EPHB1: variants seen among roughly 807,000 people sequenced by gnomAD.
EPHB1 encodes EPH receptor B1, also known as ephrin type-B receptor 1.
A neutral mutation model predicts 94.4 loss-of-function variants in EPHB1; 30 were observed. That is an observed-to-expected ratio of 0.32 (90% CI 0.24 to 0.43). EPHB1 has a LOEUF of 0.43. Among genes scored for constraint, EPHB1 ranks in the 20% least tolerant of loss-of-function variants. EPHB1 has a pLI of 1.00. For synonymous variants in EPHB1, 522 were observed against 489.1 expected (o/e 1.07, Z -0.89); for missense variants, 1,055 against 1,308.3 (o/e 0.81, Z 2.99).
At chr3:135,133,139 G>T in intron 5 of EPHB1, 90 bp downstream of exon 5, 1 of 1,292,122 alleles carries the variant, frequency 7.7e-7, no homozygotes. Flanking sequence ...CACCCATCCT[G>T]CCCGTGTACT....
chr3:135,260,325 T>C lies in EPHB1; in HGVS notation c.*1205T>C, dbSNP rs1933588388. On this transcript the variant is annotated 3_prime_UTR_variant, in exon 16 of 16. Coordinates refer to ENST00000398015, the MANE Select transcript of EPHB1 (RefSeq NM_004441.5). The stretch of plus-strand genomic sequence containing the variant: ...GTGTCTGTGTTTCTCTTTACATTCC[T>C]TGTTGTACCTCATTGTTCAATTCAC... 1 of 232,672 alleles carries C rather than the reference T, an allele frequency of 4.3e-6. No homozygotes were observed. Among genetic ancestry groups the C allele is most frequent in the African/African-American group, 2.2e-5 (1 of 45,326 alleles). The allele number at this position is 232,672 out of a possible 1,614,324, so 14.4% of individuals were successfully genotyped here. A position where few individuals can be genotyped will look rare whatever the true frequency, so the allele number is the denominator to read the frequency against.
intron 12 of EPHB1, among the ~76,000 whole-genome samples, chr3:135,214,118 C>T (rs535777549): frequency 6.6e-6 from 1 of 152,326 alleles, no homozygotes; most frequent in Admixed American, 6.5e-5. Flanking sequence ...CTTACTTTCT[C>T]TCTTCTCATG....
chr3:134,981,550 A>G (rs1934402630), intron 3 of EPHB1, among the ~76,000 whole-genome samples: 1 of 152,224 alleles, frequency 6.6e-6, no homozygotes, highest in Non-Finnish European at 1.5e-5. Flanking sequence ...CAGTTTTACC[A>G]TATACTGGAA....
At chr3:135,059,769 T>G (rs1445074894) in intron 3 of EPHB1, among the ~76,000 whole-genome samples, 2 of 152,212 alleles carry the variant, frequency 1.3e-5, no homozygotes, top group Admixed American at 6.5e-5. Flanking sequence ...GAACAGGCCC[T>G]GAGACACCCA....
chr3:135,203,067 A>C (rs1456966860), intron 12 of EPHB1, among the ~76,000 whole-genome samples: 1 of 152,242 alleles, frequency 6.6e-6, no homozygotes, highest in Admixed American at 6.5e-5. Context: ...TGTCCTTTGC[A>C]GGGACATGCA....
chr3:135,125,404 C>T (rs1020190753), intron 4 of EPHB1, among the ~76,000 whole-genome samples: 2 of 152,038 alleles, frequency 1.3e-5, no homozygotes, highest in African/African-American at 4.8e-5. Flanking sequence ...AGGTCCTGAA[C>T]CAACATGCTG....
chr3:134,940,249 T>A (rs2039085660), intron 2 of EPHB1, among the ~76,000 whole-genome samples: 1 of 152,188 alleles, frequency 6.6e-6, no homozygotes, highest in South Asian at 2.1e-4. Context: ...ATCACGATGA[T>A]GATGATCATA....
At chr3:135,143,266 G>C (rs1940891199) in intron 5 of EPHB1, among the ~76,000 whole-genome samples, 2 of 152,160 alleles carry the variant, frequency 1.3e-5, no homozygotes, top group South Asian at 2.1e-4. Flanking sequence ...TAAAGAGTGG[G>C]CATGGCAGGA....
chr3:135,065,383 T>G (rs1391946408), intron 3 of EPHB1, among the ~76,000 whole-genome samples: 1 of 152,196 alleles, frequency 6.6e-6, no homozygotes, highest in Non-Finnish European at 1.5e-5. Context: ...ATTTGGAAGC[T>G]CCAGTGTTAG....
At position 135,192,670 on chromosome 3, in the gene EPHB1, G is replaced by A. The variant is rs781192128; in HGVS notation, c.1977G>A (p.Glu659=). The change falls in exon 11 of 16, where the codon GAG becomes GAA. Residue 659 remains glutamate, a synonymous_variant. Coordinates refer to ENST00000398015, the MANE Select transcript of EPHB1 (RefSeq NM_004441.5). ...AIKTLKAGYS[E]KQRRDFLSEA... ...AGACCCTGAAGGCAGGGTACTCGGA[G>A]AAGCAGCGTCGGGACTTTCTGAGTG... 97 of 1,614,090 alleles carry A rather than the reference G, an allele frequency of 6.0e-5. No homozygotes were observed. Among genetic ancestry groups the A allele is most frequent in the Non-Finnish European group, 7.0e-5 (83 of 1,180,042 alleles).
chr3:135,138,777 A>G (rs1268074401), intron 5 of EPHB1, among the ~76,000 whole-genome samples: 1 of 152,236 alleles, frequency 6.6e-6, no homozygotes, highest in Non-Finnish European at 1.5e-5. Flanking sequence ...TCAATTTCAT[A>G]GTTTGTTTCA....
At chr3:135,043,682 T>G (rs560908260) in intron 3 of EPHB1, among the ~76,000 whole-genome samples, 1 of 152,376 alleles carries the variant, frequency 6.6e-6, no homozygotes, top group African/African-American at 2.4e-5. Flanking sequence ...TCCGGCTCCA[T>G]CCTGATACAG....
chr3:134,939,653 G>A (rs2039077896), intron 2 of EPHB1, among the ~76,000 whole-genome samples: 5 of 152,116 alleles, frequency 3.3e-5, no homozygotes. Context: ...TTGTCCTTGG[G>A]GTCCAGGCTG....
intron 1 of EPHB1, among the ~76,000 whole-genome samples, chr3:134,894,649 G>T (rs537252229): frequency 6.6e-6 from 1 of 152,322 alleles, no homozygotes; most frequent in Admixed American, 6.5e-5. Context: ...CAGAGCAAGG[G>T]CTCTGATATA....
At chr3:135,008,128 T>C (rs1199344194) in intron 3 of EPHB1, among the ~76,000 whole-genome samples, 1 of 152,064 alleles carries the variant, frequency 6.6e-6, no homozygotes, top group South Asian at 2.1e-4. Context: ...GATGGTTAAC[T>C]AGATGGGGGC....
rs1234201974 is a variant in EPHB1 at position 134,997,738 on chromosome 3, C to T, written c.805+45686C>T. Reference sequence around the variant, plus strand: ...CTCTTGTGACTTTCTCTCCCTCTGACTTAGAGGTCATGCCTTCTTGTGCAC... The same window carrying T: ...CTCTTGTGACTTTCTCTCCCTCTGATTTAGAGGTCATGCCTTCTTGTGCAC... On this transcript the variant is annotated intron_variant, in intron 3 of 15. Transcript: ENST00000398015. Among the ~76,000 whole-genome samples, 5 of 152,292 alleles carry T rather than the reference C, an allele frequency of 3.3e-5. No homozygotes were observed. The East Asian group carries it at 9.7e-4, about 29-fold the overall frequency.
chr3:135,179,394 C>G (rs1179389368), intron 9 of EPHB1, among the ~76,000 whole-genome samples: 2 of 152,168 alleles, frequency 1.3e-5, no homozygotes, highest in Admixed American at 6.5e-5. Flanking sequence ...ATCCTCTTCC[C>G]TCTTACAGCC....
intron 10 of EPHB1, among the ~76,000 whole-genome samples, chr3:135,189,564 T>C (rs1232237583): frequency 6.6e-6 from 1 of 152,242 alleles, no homozygotes; most frequent in Non-Finnish European, 1.5e-5. Context: ...GCAAATTATG[T>C]AACCAATCCT....
At chr3:135,201,923 T>C (rs1340724560) in intron 12 of EPHB1, among the ~76,000 whole-genome samples, 1 of 152,084 alleles carries the variant, frequency 6.6e-6, no homozygotes, top group African/African-American at 2.4e-5. Flanking sequence ...CAGTGTCTAT[T>C]ATGAAGCTAT....
Sources: gnomAD v4.1 joint callset for allele counts (sites outside exome capture counted in the v4.1 genomes callset) on GRCh38, gnomAD v4.1.1 for gene constraint, MANE v1.5 for transcripts, NCBI Gene and HGNC (gene_info 2026-07-23, HGNC 2026-07-21) for gene names.